GRIN2D: variants seen among roughly 807,000 people sequenced by gnomAD.
The protein encoded by GRIN2D is glutamate ionotropic receptor NMDA type subunit 2D.
A neutral mutation model predicts 103.2 loss-of-function variants in GRIN2D; 37 were observed. That is an observed-to-expected ratio of 0.36 (90% CI 0.28 to 0.47). The LOEUF (loss-of-function observed/expected upper bound fraction) is 0.47, where lower values mean the gene tolerates loss of function less well. Ranked by LOEUF, GRIN2D falls within the 20% of genes least tolerant of loss-of-function variation. GRIN2D has a pLI of 1.00. For missense variants in GRIN2D, 1,557 were observed against 1,910.6 expected, an observed-to-expected ratio of 0.81 and a Z score of 3.45; for synonymous variants, 845 against 885.6, an observed-to-expected ratio of 0.95 and a Z score of 0.81.
Position 48,405,002 on chromosome 19 carries a change from T to C in GRIN2D, c.734T>C (p.Leu245Pro). ...QLRSVSAQIR[L>P]LFCAREEAEP... Reference sequence around the variant, plus strand: ...CGCAGTGTCAGCGCGCAGATCCGCCTGCTCTTCTGCGCCCGAGAGGAGGCC... The same window carrying C: ...CGCAGTGTCAGCGCGCAGATCCGCCCGCTCTTCTGCGCCCGAGAGGAGGCC... Residue 245 changes from leucine to proline, a missense_variant, in exon 4 of 14, where the codon CTG (leucine) becomes CCG (proline). By Grantham distance (98) the Leu-to-Pro change is moderately conservative. This residue lies in a region of GRIN2D where 490 missense variants were observed against 601.1 expected (regional missense o/e 0.82). Coordinates refer to ENST00000263269, the MANE Select transcript of GRIN2D (RefSeq NM_000836.4). The surrounding 1 kb of genome is among the most constrained non-coding windows in gnomAD (Gnocchi z 5.1). 6.2e-7 allele frequency: 1 copy of C among 1,612,380 alleles called. No homozygotes were observed. Among genetic ancestry groups the C allele is most frequent in the Non-Finnish European group, 8.5e-7 (1 of 1,179,532 alleles).
intron 11 of GRIN2D, among the ~76,000 whole-genome samples, chr19:48,427,739 C>T (rs1971105379): frequency 6.6e-6 from 1 of 152,018 alleles, no homozygotes; most frequent in Non-Finnish European, 1.5e-5. Context: ...TCTCGGCCTC[C>T]CAAAGTGCTG....
chr19:48,439,708 C>T (rs751349828), intron 11 of GRIN2D, among the ~76,000 whole-genome samples: 3 of 152,126 alleles, frequency 2.0e-5, no homozygotes, highest in Non-Finnish European at 2.9e-5. Context: ...CTTTGGGAAG[C>T]CAAGGTGGGA....
chr19:48,402,632 G>A (rs1313341514), intron 3 of GRIN2D, among the ~76,000 whole-genome samples: 2 of 150,480 alleles, frequency 1.3e-5, no homozygotes, highest in African/African-American at 4.9e-5. Context: ...CAGGAGAATG[G>A]CGTGAACCCG....
At chr19:48,438,152 T>C (rs1030209062) in intron 11 of GRIN2D, among the ~76,000 whole-genome samples, 6 of 152,030 alleles carry the variant, frequency 3.9e-5, no homozygotes, top group African/African-American at 1.5e-4. Flanking sequence ...TGTGAGTGCG[T>C]GGACAGGGTT....
At chr19:48,432,757 C>T (rs1971173168) in intron 11 of GRIN2D, among the ~76,000 whole-genome samples, 1 of 151,364 alleles carries the variant, frequency 6.6e-6, no homozygotes, top group Admixed American at 6.6e-5. Context: ...CCATGCCTGG[C>T]CAGAAACTGG....
chr19:48,412,423 A>AAG (rs1555892643), intron 4 of GRIN2D, among the ~76,000 whole-genome samples: 1 of 51,126 alleles, frequency 2.0e-5, no homozygotes, highest in African/African-American at 1.0e-4. Context: ...AGAGAAAGAA[A>AAG]AGAAAGAAAG....
chr19:48,427,810 T>C (rs1971105997), intron 11 of GRIN2D, among the ~76,000 whole-genome samples: 1 of 152,038 alleles, frequency 6.6e-6, no homozygotes, highest in Non-Finnish European at 1.5e-5. Context: ...TTTACTTTGA[T>C]GTTTATTATA....
In GRIN2D at chr19:48,443,090, C is replaced by T. The variant is rs1382421966; in HGVS notation, c.3164C>T (p.Pro1055Leu). Reference protein sequence around the residue: ...LCRLAFEDESPPAPARWPRSD... With the variant: ...LCRLAFEDESLPAPARWPRSD... ...CGCTTGGCCTTCGAGGACGAGAGCC[C>T]GCCGGCGCCCGCGCGGTGGCCGCGC... The change falls in exon 14 of 14, where the codon CCG becomes CTG. Residue 1055 changes from proline (P) to leucine (L), a missense_variant. Transcript: ENST00000263269. This position sits in a 1 kb window ranked among gnomAD's most constrained non-coding sequence, Gnocchi z 8.9. 1.9e-6 allele frequency: 2 copies of T among 1,026,960 alleles called. No homozygotes were observed. The highest frequency in any genetic ancestry group is 2.3e-6 in the Non-Finnish European group (2 of 854,910). 63.6% of individuals were successfully genotyped at this position (1,026,960 alleles called of 1,614,324 possible).
At position 48,443,856 on chromosome 19, in the gene GRIN2D, T is replaced by A; in HGVS notation, c.3930T>A (p.Ala1310=). 6.7e-7 allele frequency: 1 copy of A among 1,484,636 alleles called. No homozygotes were observed. The highest frequency in any genetic ancestry group is 8.9e-7 in the Non-Finnish European group (1 of 1,125,498). The allele number at this position is 1,484,636 out of a possible 1,614,324, so 92.0% of individuals were successfully genotyped here. A position where few individuals can be genotyped will look rare whatever the true frequency, so the allele number is the denominator to read the frequency against. ...AAHWGPPLPT[A]SHRRHRGGDL... is the part of the protein sequence containing the mutation. ...ACTGGGGGCCGCCGCTGCCCACAGCTTCCCACCGGAGACACCGGGGCGGGG... is the reference window on the plus strand; with the variant it reads ...ACTGGGGGCCGCCGCTGCCCACAGCATCCCACCGGAGACACCGGGGCGGGG... The change falls in exon 14 of 14, where the codon GCT becomes GCA. Residue 1310 remains alanine (A), a synonymous_variant. Transcript: ENST00000263269. This position sits in a 1 kb window ranked among gnomAD's most constrained non-coding sequence, Gnocchi z 8.9.
intron 8 of GRIN2D, among the ~76,000 whole-genome samples, chr19:48,417,151 G>T (rs1007259176): frequency 6.6e-6 from 1 of 152,134 alleles, no homozygotes; most frequent in Non-Finnish European, 1.5e-5. Flanking sequence ...GAGGTGTAAG[G>T]ATGGCTTGAA....
In GRIN2D at chr19:48,397,967, CCT is replaced by C. The variant is rs374020737; in HGVS notation, c.-26-399_-26-398del. On this transcript the variant is annotated intron_variant, in intron 2 of 13. Transcript: ENST00000263269. The stretch of plus-strand genomic sequence containing the variant: ...GTCTCGCCCTATCTCTGCGTCTCTC[CCT>C]GTTTCACCTCTTCCTCTGGTGTTTC... 3.3e-3 allele frequency among the ~76,000 whole-genome samples: 508 copies of C among 151,986 alleles called. 6 individuals are homozygous for C. Among genetic ancestry groups the C allele is most frequent in the African/African-American group, 0.011 (468 of 41,418 alleles).
chr19:48,437,292 T>TA (rs1358270757), intron 11 of GRIN2D, among the ~76,000 whole-genome samples: 7 of 152,022 alleles, frequency 4.6e-5, no homozygotes, highest in African/African-American at 1.2e-4. Flanking sequence ...GGCTAATTTT[T>TA]AAAGTTTTTG....
In GRIN2D at chr19:48,444,278, G is replaced by A; in HGVS notation, c.*341G>A. ...TCCCACCTCCACGCCCGGGGCCGTG[G>A]CCCCCACATCACTGTGCAGCTCCCC... On this transcript the variant is annotated 3_prime_UTR_variant, in exon 14 of 14. Transcript: ENST00000263269. The surrounding 1 kb of genome is among the most constrained non-coding windows in gnomAD (Gnocchi z 5.5). 1 of 218,184 alleles carries A rather than the reference G, an allele frequency of 4.6e-6. No homozygotes were observed. 13.5% of individuals were successfully genotyped at this position (218,184 alleles called of 1,614,324 possible).
intron 11 of GRIN2D, among the ~76,000 whole-genome samples, chr19:48,426,167 A>G (rs967856376): frequency 1.3e-5 from 2 of 149,398 alleles, no homozygotes; most frequent in Admixed American, 1.3e-4. Flanking sequence ...GTGTTTGGCC[A>G]TTATGAATAT....
At chr19:48,399,119 G>C (rs1297618416) in intron 3 of GRIN2D, among the ~76,000 whole-genome samples, 1 of 152,154 alleles carries the variant, frequency 6.6e-6, no homozygotes, top group African/African-American at 2.4e-5. Context: ...TCAGAGTATA[G>C]GGAGGACGTG....
chr19:48,394,160 G>A lies in GRIN2D; in HGVS notation c.-306+292G>A, dbSNP rs1970601078. ...AGCCCCTATCAGCAGTGGCAGCCTG[G>A]CCCCCATTAGACCCCCCACTCTGTG... On this transcript the variant is annotated intron_variant, in intron 1 of 13. Coordinates refer to ENST00000263269, the MANE Select transcript of GRIN2D (RefSeq NM_000836.4). The surrounding 1 kb of genome is among the most constrained non-coding windows in gnomAD (Gnocchi z 5.1). Among the ~76,000 whole-genome samples the A allele has an allele frequency of 6.6e-6, 1 of 151,994 alleles. No homozygotes were observed.
chr19:48,398,875 G>T lies in GRIN2D; in HGVS notation c.465+18G>T. On this transcript the variant is annotated intron_variant, in intron 3 of 13. Transcript: ENST00000263269. Reference sequence around the variant, plus strand: ...CGCCCAAGGTGCGCGCGACCGGGGCGGGGCGGGGCCACAGGAGGGGCGGGG... The same window carrying T: ...CGCCCAAGGTGCGCGCGACCGGGGCTGGGCGGGGCCACAGGAGGGGCGGGG... The T allele has an allele frequency of 7.6e-7, 1 of 1,321,604 alleles. No individual in the cohort carries two copies. The highest frequency in any genetic ancestry group is 9.6e-7 in the Non-Finnish European group (1 of 1,039,214). 81.9% of individuals were successfully genotyped at this position (1,321,604 alleles called of 1,614,324 possible).
In GRIN2D at chr19:48,421,183, C is replaced by T. The variant is rs1971017575; in HGVS notation, c.2092-602C>T. Among the ~76,000 whole-genome samples the T allele has an allele frequency of 6.6e-6, 1 of 152,186 alleles. No homozygotes were observed. Among genetic ancestry groups the T allele is most frequent in the South Asian group, 2.1e-4 (1 of 4,832 alleles). On this transcript the variant is annotated intron_variant, in intron 10 of 13. Coordinates refer to ENST00000263269, the MANE Select transcript of GRIN2D (RefSeq NM_000836.4). This position sits in a 1 kb window ranked among gnomAD's most constrained non-coding sequence, Gnocchi z 4.8. ...GTGGCTTATGCCTGTAATCCCAGCACTTTGGGAGGCCAAGGCGGGCGGATC... is the reference window on the plus strand; with the variant it reads ...GTGGCTTATGCCTGTAATCCCAGCATTTTGGGAGGCCAAGGCGGGCGGATC...
In GRIN2D at chr19:48,442,508, C is replaced by A; in HGVS notation, c.2674-92C>A. 1.3e-6 allele frequency: 2 copies of A among 1,492,416 alleles called. No individual in the cohort carries two copies. Among genetic ancestry groups the A allele is most frequent in the Admixed American group, 2.1e-5 (1 of 46,774 alleles). 92.4% of individuals were successfully genotyped at this position (1,492,416 alleles called of 1,614,324 possible). A position where few individuals can be genotyped will look rare whatever the true frequency, so the allele number is the denominator to read the frequency against. ...TGGGGAAGAGAGCGGGAAACACAGG[C>A]GGGTAAATGGAGAGGAGAGAGGGAC... On this transcript the variant is annotated intron_variant, in intron 13 of 13. Transcript: ENST00000263269. The surrounding 1 kb of genome is among the most constrained non-coding windows in gnomAD (Gnocchi z 7.2).
Sources: allele counts gnomAD v4.1 joint callset (sites outside exome capture counted in the v4.1 genomes callset), GRCh38; gene constraint gnomAD v4.1.1; regional missense constraint gnomAD v4.1.1; non-coding constraint Gnocchi (gnomAD v3.1); transcripts MANE v1.5; gene names NCBI Gene and HGNC (gene_info 2026-07-23, HGNC 2026-07-21).